ARHGAP20: variants seen among roughly 807,000 people sequenced by gnomAD.
ARHGAP20 encodes the protein rho GTPase-activating protein 20.
Under a neutral mutation model 73.7 loss-of-function variants are expected in ARHGAP20, and 34 were observed. That is an observed-to-expected ratio of 0.46 (90% confidence interval 0.35 to 0.61). ARHGAP20 has a LOEUF of 0.61. ARHGAP20 is among the 20% of genes least tolerant of loss of function. The pLI is 0.00. For synonymous variants in ARHGAP20, 523 were observed against 518.2 expected (o/e 1.01, Z -0.13); for missense variants, 1,314 against 1,420.9 (o/e 0.92, Z 1.21).
At position 110,606,657 on chromosome 11, in the gene ARHGAP20, G is replaced by A. The variant is rs750822801; in HGVS notation, c.868C>T (p.Leu290Phe). 1 of 1,610,294 alleles carries A rather than the reference G, an allele frequency of 6.2e-7. No individual in the cohort carries two copies. The highest frequency in any genetic ancestry group is 1.1e-5 in the South Asian group (1 of 90,908). Residue 290 changes from leucine (L) to phenylalanine (F), a missense_variant, in exon 9 of 15, where the codon CTC becomes TTC. Transcript: ENST00000683387. ...GSKDSTTPFNLQEPFLMEQLP... is the reference protein window; with the variant it reads ...GSKDSTTPFNFQEPFLMEQLP... ...TGTTCCATAAGGAAGGGCTCCTGGA[G>A]GTTGAAAGGGGTGGTAGAGTCCTTT...
At chr11:110,660,074 A>AC (rs1414553552) in intron 2 of ARHGAP20, among the ~76,000 whole-genome samples, 1 of 150,576 alleles carries the variant, frequency 6.6e-6, no homozygotes, top group African/African-American at 2.5e-5. Context: ...AAAAAAAAAA[A>AC]AAAAGAAAAT....
chr11:110,602,324 G>A (rs2134864700), intron 9 of ARHGAP20, among the ~76,000 whole-genome samples: 1 of 152,214 alleles, frequency 6.6e-6, no homozygotes, highest in East Asian at 1.9e-4. Flanking sequence ...ACTTTGTTAT[G>A]GAACTAATGG....
chr11:110,592,824 C>T (rs1391182330), intron 9 of ARHGAP20, among the ~76,000 whole-genome samples: 1 of 152,108 alleles, frequency 6.6e-6, no homozygotes, highest in African/African-American at 2.4e-5. Context: ...TTTTTCCTTT[C>T]TTTGCAACTG....
At chr11:110,589,508 C>T in intron 11 of ARHGAP20, 9 of 985,458 alleles carry the variant, frequency 9.1e-6, no homozygotes, top group Non-Finnish European at 1.1e-5. Context: ...GCCTGAGATA[C>T]AGGCTGGGGC....
intron 1 of ARHGAP20, among the ~76,000 whole-genome samples, chr11:110,695,057 A>C (rs1950310452): frequency 6.6e-6 from 1 of 151,660 alleles, no homozygotes; most frequent in Non-Finnish European, 1.5e-5. Flanking sequence ...GACACTTATC[A>C]CTTTGAGCTA....
chr11:110,693,068 G>A (rs902840282), intron 1 of ARHGAP20, among the ~76,000 whole-genome samples: 1 of 151,962 alleles, frequency 6.6e-6, no homozygotes, highest in Non-Finnish European at 1.5e-5. Context: ...GACAAATTTT[G>A]TTCTGAAAAG....
chr11:110,590,946 C>T (rs567732183), intron 10 of ARHGAP20, 137 bp from the exon 11 acceptor site: 13 of 905,746 alleles, frequency 1.4e-5, no homozygotes, highest in African/African-American at 3.4e-5. Context: ...AATAAATGGC[C>T]GGAAAAATTA....
chr11:110,665,976 T>TAC (rs55687136), intron 2 of ARHGAP20, among the ~76,000 whole-genome samples: 126 of 150,332 alleles, frequency 8.4e-4, no homozygotes, highest in Admixed American at 2.3e-3. Context: ...AAGATACATA[T>TAC]ACACACACAC....
chr11:110,638,864 T>G (rs2134978577), intron 2 of ARHGAP20, among the ~76,000 whole-genome samples: 1 of 148,744 alleles, frequency 6.7e-6, no homozygotes, highest in African/African-American at 2.5e-5. Context: ...GTGGGAGGAG[T>G]GGGGAGGGAT....
intron 1 of ARHGAP20, among the ~76,000 whole-genome samples, chr11:110,709,939 G>A (rs1950615747): frequency 6.6e-6 from 1 of 152,218 alleles, no homozygotes; most frequent in Non-Finnish European, 1.5e-5. Flanking sequence ...TTCTGCAAAG[G>A]TACAAGTGAG....
intron 1 of ARHGAP20, among the ~76,000 whole-genome samples, chr11:110,701,391 G>A (rs2135143150): frequency 6.6e-6 from 1 of 152,192 alleles, no homozygotes; most frequent in South Asian, 2.1e-4. Context: ...CTTCTTTTGA[G>A]AAGTGTCTGT....
chr11:110,620,956 C>A (rs1369684595), intron 4 of ARHGAP20, among the ~76,000 whole-genome samples: 1 of 151,640 alleles, frequency 6.6e-6, no homozygotes, highest in Non-Finnish European at 1.5e-5. Flanking sequence ...CACCTGTAAT[C>A]CCAGCTACTC....
intron 11 of ARHGAP20, 132 bp downstream of exon 11, chr11:110,590,516 A>T: frequency 2.1e-6 from 2 of 938,030 alleles, no homozygotes; most frequent in South Asian, 2.7e-5. Context: ...AACACTTTTT[A>T]GTGTTAAAAA....
At chr11:110,657,826 C>T (rs1444085112) in intron 2 of ARHGAP20, among the ~76,000 whole-genome samples, 2 of 148,020 alleles carry the variant, frequency 1.4e-5, no homozygotes, top group African/African-American at 2.5e-5. Context: ...ACCCAGGAAG[C>T]GGAGGTTGCA....
chr11:110,626,976 T>G (rs908990068), intron 3 of ARHGAP20, among the ~76,000 whole-genome samples: 10 of 152,328 alleles, frequency 6.6e-5, no homozygotes, highest in Non-Finnish European at 2.9e-5. Context: ...TTAAAAATGC[T>G]AATTTAATGT....
intron 1 of ARHGAP20, among the ~76,000 whole-genome samples, chr11:110,691,818 C>G (rs1422943783): frequency 1.3e-5 from 2 of 151,950 alleles, no homozygotes; most frequent in Non-Finnish European, 1.5e-5. Flanking sequence ...GCTATAGGCA[C>G]AAATCTCCTT....
At chr11:110,643,504 T>A (rs528827740) in intron 2 of ARHGAP20, among the ~76,000 whole-genome samples, 1 of 152,278 alleles carries the variant, frequency 6.6e-6, no homozygotes, top group East Asian at 1.9e-4. Context: ...TTTTGATTTC[T>A]GCCTTAATTT....
Position 110,614,563 on chromosome 11 carries a change from A to G in ARHGAP20, c.628T>C (p.Tyr210His), listed in dbSNP as rs1410226535. The G allele has an allele frequency of 6.2e-7, 1 of 1,611,940 alleles. No homozygotes were observed. Among genetic ancestry groups the G allele is most frequent in the Non-Finnish European group, 8.5e-7 (1 of 1,178,258 alleles). Reference protein sequence around the residue: ...IFAKDIGNCAYSKTITVMNSD... With the variant: ...IFAKDIGNCAHSKTITVMNSD... ...TTTTCTGGCTTAGAAACACTTACGTAGGCACAATTCCCAATGTCCTTGGCG... is the reference window on the plus strand; with the variant it reads ...TTTTCTGGCTTAGAAACACTTACGTGGGCACAATTCCCAATGTCCTTGGCG... Residue 210 changes from tyrosine to histidine, a missense_variant and splice_region_variant, in exon 6 of 15, where the codon TAC becomes CAC. Coordinates refer to ENST00000683387, the MANE Select transcript of ARHGAP20 (RefSeq NM_001384657.1).
intron 2 of ARHGAP20, among the ~76,000 whole-genome samples, chr11:110,675,659 G>T (rs1304678962): frequency 2.6e-5 from 4 of 152,078 alleles, no homozygotes; most frequent in African/African-American, 7.2e-5. Flanking sequence ...GGTAATACTT[G>T]CTTGCCTGCC....
Sources: allele counts gnomAD v4.1 joint callset (sites outside exome capture counted in the v4.1 genomes callset), GRCh38; gene constraint gnomAD v4.1.1; transcripts MANE v1.5; gene names NCBI Gene and HGNC (gene_info 2026-07-23, HGNC 2026-07-21).